Variants in ADAMTS3 observed in about 807,000 individuals in gnomAD.
The protein encoded by ADAMTS3 is A disintegrin and metalloproteinase with thrombospondin motifs 3.
In ADAMTS3, 73 loss-of-function variants were observed where a neutral mutation model predicts 129.0. That is an observed-to-expected ratio of 0.57 (90% CI 0.47 to 0.69). The LOEUF (loss-of-function observed/expected upper bound fraction) is 0.69. Ranked by LOEUF, ADAMTS3 falls within the 30% of genes least tolerant of loss-of-function variation. The pLI, the probability that ADAMTS3 is intolerant of heterozygous loss-of-function variation, is 0.00. For missense variants in ADAMTS3, 1,457 were observed against 1,514.5 expected (o/e 0.96, Z 0.63); for synonymous variants, 477 against 510.8 (o/e 0.93, Z 0.89).
At chr4:72,532,076 T>C (rs1721058855) in intron 3 of ADAMTS3, among the ~76,000 whole-genome samples, 1 of 151,736 alleles carries the variant, frequency 6.6e-6, no homozygotes, top group Non-Finnish European at 1.5e-5. Context: ...AAGTTGAAAT[T>C]TCCTACCAGA....
At chr4:72,418,140 T>C (rs1049228797) in intron 3 of ADAMTS3, among the ~76,000 whole-genome samples, 4 of 151,832 alleles carry the variant, frequency 2.6e-5, no homozygotes, top group African/African-American at 9.7e-5. Context: ...AGTAAAATTT[T>C]TTTCCTCCAT....
At chr4:72,330,060 C>T (rs1191696265) in intron 5 of ADAMTS3, among the ~76,000 whole-genome samples, 2 of 151,986 alleles carry the variant, frequency 1.3e-5, no homozygotes, top group African/African-American at 4.8e-5. Flanking sequence ...CTCTTGTTGC[C>T]CAGGCTGGAG....
chr4:72,505,535 C>T (rs1720139532), intron 3 of ADAMTS3, among the ~76,000 whole-genome samples: 1 of 152,202 alleles, frequency 6.6e-6, no homozygotes, highest in Non-Finnish European at 1.5e-5. Flanking sequence ...GCACAGCAGT[C>T]CAAGCTCCCT....
intron 3 of ADAMTS3, among the ~76,000 whole-genome samples, chr4:72,478,855 C>T (rs1447045432): frequency 6.6e-6 from 1 of 151,746 alleles, no homozygotes; most frequent in African/African-American, 2.4e-5. Flanking sequence ...TCTCAGGATA[C>T]AAAATCAATG....
At chr4:72,437,621 A>C (rs1433784304) in intron 3 of ADAMTS3, among the ~76,000 whole-genome samples, 3 of 151,744 alleles carry the variant, frequency 2.0e-5, no homozygotes, top group Non-Finnish European at 4.4e-5. Flanking sequence ...AATTTTCCCC[A>C]GTTCCAAAGC....
intron 4 of ADAMTS3, among the ~76,000 whole-genome samples, chr4:72,354,383 C>A (rs1269969103): frequency 6.6e-6 from 1 of 151,838 alleles, no homozygotes; most frequent in Non-Finnish European, 1.5e-5. Flanking sequence ...ATTTTTAATC[C>A]TTTTGCTTTC....
At chr4:72,455,418 G>A (rs1261445824) in intron 3 of ADAMTS3, among the ~76,000 whole-genome samples, 2 of 151,360 alleles carry the variant, frequency 1.3e-5, no homozygotes, top group Non-Finnish European at 3.0e-5. Context: ...TGTGGGAGTT[G>A]AACAATGAGA....
At chr4:72,413,769 A>T (rs1035656604) in intron 4 of ADAMTS3, among the ~76,000 whole-genome samples, 2 of 151,950 alleles carry the variant, frequency 1.3e-5, no homozygotes, top group Non-Finnish European at 2.9e-5. Flanking sequence ...ACTCATACCA[A>T]GTCTAACTGC....
At chr4:72,393,239 GC>G (rs1721646030) in intron 4 of ADAMTS3, among the ~76,000 whole-genome samples, 1 of 152,032 alleles carries the variant, frequency 6.6e-6, no homozygotes, top group Non-Finnish European at 1.5e-5. Flanking sequence ...CAGATATTTT[GC>G]AACAGAAATA....
intron 3 of ADAMTS3, among the ~76,000 whole-genome samples, chr4:72,477,833 G>A (rs534070871): frequency 6.6e-6 from 1 of 151,850 alleles, no homozygotes; most frequent in South Asian, 2.1e-4. Flanking sequence ...GAATCAAATA[G>A]ACGCAATAAA....
At chr4:72,462,686 T>G (rs747665138) in intron 3 of ADAMTS3, among the ~76,000 whole-genome samples, 4 of 152,008 alleles carry the variant, frequency 2.6e-5, no homozygotes, top group African/African-American at 7.2e-5. Context: ...GTTCGTGTTT[T>G]AGTTTTTAAT....
rs1240755730 is a variant in ADAMTS3, at chr4:72,519,760, C to A, written c.504+28718G>T. Among the ~76,000 whole-genome samples, 3 of 152,094 alleles carry A rather than the reference C, an allele frequency of 2.0e-5. No homozygotes were observed. In the South Asian group the frequency reaches 6.2e-4, roughly 32 times the overall value. On this transcript the variant is annotated intron_variant, in intron 3 of 21. Transcript: ENST00000286657. ...TCGTCTAAATTTTTTTCAAAGTTTT[C>A]AACTTCTTTGCCTTTGGTTTGAATT...
intron 3 of ADAMTS3, among the ~76,000 whole-genome samples, chr4:72,512,209 C>T (rs539898967): frequency 6.6e-6 from 1 of 152,160 alleles, no homozygotes; most frequent in African/African-American, 2.4e-5. Context: ...GGTGCACTGG[C>T]TCACACTTGT....
At chr4:72,312,947 T>C (rs993972197) in intron 12 of ADAMTS3, among the ~76,000 whole-genome samples, 1 of 152,192 alleles carries the variant, frequency 6.6e-6, no homozygotes, top group Non-Finnish European at 1.5e-5. Flanking sequence ...TAATGAACTT[T>C]AGCTGATCTT....
chr4:72,294,707 A>G (rs1718761921), intron 19 of ADAMTS3, among the ~76,000 whole-genome samples: 1 of 152,136 alleles, frequency 6.6e-6, no homozygotes, highest in East Asian at 1.9e-4. Context: ...TTGAAAGACA[A>G]AGAGACCAAA....
chr4:72,422,718 G>T (rs1469059901), intron 3 of ADAMTS3, among the ~76,000 whole-genome samples: 2 of 152,042 alleles, frequency 1.3e-5, no homozygotes, highest in Non-Finnish European at 2.9e-5. Flanking sequence ...ACTAGGAGGG[G>T]TCCTCACAGC....
intron 3 of ADAMTS3, among the ~76,000 whole-genome samples, chr4:72,521,173 G>C (rs1042691557): frequency 1.3e-5 from 2 of 151,806 alleles, no homozygotes; most frequent in Admixed American, 1.3e-4. Context: ...AATTTTTGTA[G>C]TTTTAGTAGA....
intron 2 of ADAMTS3, among the ~76,000 whole-genome samples, chr4:72,566,348 A>G (rs1268902839): frequency 6.6e-6 from 1 of 152,184 alleles, no homozygotes; most frequent in African/African-American, 2.4e-5. Flanking sequence ...GCAACCTCTC[A>G]AGCTTCATTT....
At chr4:72,443,824 T>C (rs185639894) in intron 3 of ADAMTS3, among the ~76,000 whole-genome samples, 5 of 151,782 alleles carry the variant, frequency 3.3e-5, no homozygotes, top group African/African-American at 1.2e-4. Context: ...ACTGGTCATT[T>C]TGGTGATCAT....
Sources: allele counts gnomAD v4.1 joint callset (sites outside exome capture counted in the v4.1 genomes callset), GRCh38; gene constraint gnomAD v4.1.1; transcripts MANE v1.5; gene names NCBI Gene and HGNC (gene_info 2026-07-23, HGNC 2026-07-21).